FANCA: variants seen among roughly 807,000 people sequenced by gnomAD.
FANCA encodes the protein Fanconi anemia group A protein.
Under a neutral mutation model 194.3 loss-of-function variants are expected in FANCA, and 236 were observed. The ratio of observed to expected loss-of-function variants is 1.21; its 90% confidence interval spans 1.09 to 1.35. FANCA has a LOEUF of 1.35. Ranked by LOEUF, FANCA falls within the 40% of genes most tolerant of loss-of-function variation. The pLI, the probability that FANCA is intolerant of heterozygous loss-of-function variation, is 0.00. For synonymous variants in FANCA, 1,014 were observed against 715.8 expected (o/e 1.42, Z -6.65); for missense variants, 2,628 against 1,813.9 (o/e 1.45, Z -8.15).
intron 17 of FANCA, among the ~76,000 whole-genome samples, chr16:89,782,182 T>G (rs1393266446): frequency 6.6e-6 from 1 of 151,012 alleles, no homozygotes; most frequent in African/African-American, 2.4e-5. Flanking sequence ...GAGATCATCC[T>G]GGCTAACACG....
chr16:89,810,706 C>A lies in FANCA; in HGVS notation c.522+1G>T, dbSNP rs1365019056. ...AGTCAGATTTGCAATCTCAAATTTA[C>A]CTGTATTTTCCATAATTCTTGACAG... On this transcript the variant is annotated splice_donor_variant, in intron 5 of 42. Transcript: ENST00000389301. LOFTEE classifies it high-confidence loss of function. 1.3e-6 allele frequency: 2 copies of A among 1,588,832 alleles called. No homozygotes were observed. Among genetic ancestry groups the A allele is most frequent in the Non-Finnish European group, 1.7e-6 (2 of 1,157,288 alleles).
chr16:89,744,838 C>T (rs1221436520), intron 36 of FANCA, 121 bp downstream of exon 36: 7 of 901,400 alleles, frequency 7.8e-6, no homozygotes, highest in African/African-American at 3.3e-5. Context: ...TTTCTCCCTG[C>T]TCACACGAGA....
intron 28 of FANCA, chr16:89,762,815 T>C (rs1215894494): frequency 6.8e-6 from 3 of 442,106 alleles, no homozygotes; most frequent in Non-Finnish European, 1.4e-5. Flanking sequence ...AAAAACATTT[T>C]TAGGAGGCCG....
At chr16:89,786,044 A>C (rs1281214002) in intron 14 of FANCA, among the ~76,000 whole-genome samples, 3 of 136,746 alleles carry the variant, frequency 2.2e-5, no homozygotes, top group African/African-American at 8.4e-5. Context: ...TGAGAGAGAG[A>C]GTCTCACTCT....
intron 8 of FANCA, among the ~76,000 whole-genome samples, chr16:89,802,753 T>A (rs537635859): frequency 1.2e-4 from 18 of 152,154 alleles, no homozygotes; most frequent in Non-Finnish European, 2.2e-4. Flanking sequence ...GCAACAGGAA[T>A]GCAACTGAAG....
At chr16:89,816,266 G>A (rs35147964) in intron 1 of FANCA, 2 of 301,030 alleles carry the variant, frequency 6.6e-6, no homozygotes, top group Non-Finnish European at 1.2e-5. Context: ...GCGCACCCCA[G>A]GCCCGCCTGA....
rs745577614 is a variant in FANCA at position 89,739,271 on chromosome 16, A to G, written c.4029T>C (p.His1343=). ...FAFYSLLSYF[H]EDAAIREEAF... is the part of the protein sequence containing the mutation. ...CCTCTTCCCTGATGGCCGCGTCTTC[A>G]TGGAAGTAGGAGAGAAGACTAGAGG... is the stretch of plus-strand genomic sequence containing the variant. The change falls in exon 41 of 43, where the codon CAT becomes CAC. Residue 1343 remains histidine (H), a synonymous_variant. Transcript: ENST00000389301. 7.4e-6 allele frequency: 12 copies of G among 1,614,166 alleles called. No individual in the cohort carries two copies. The highest frequency in any genetic ancestry group is 1.0e-5 in the Non-Finnish European group (12 of 1,180,028).
intron 6 of FANCA, among the ~76,000 whole-genome samples, chr16:89,806,806 C>T (rs551726700): frequency 2.0e-5 from 3 of 152,236 alleles, no homozygotes; most frequent in Admixed American, 1.3e-4. Context: ...ACCCTTCCCC[C>T]CTTTGTATTC....
intron 6 of FANCA, among the ~76,000 whole-genome samples, chr16:89,807,653 G>C (rs1029026086): frequency 6.6e-6 from 1 of 152,104 alleles, no homozygotes. Context: ...GGGAGGCAGA[G>C]GCGGGCAGAT....
chr16:89,768,175 G>C (rs1382262040), intron 26 of FANCA, among the ~76,000 whole-genome samples: 1 of 152,090 alleles, frequency 6.6e-6, no homozygotes, highest in Non-Finnish European at 1.5e-5. Flanking sequence ...GCTACTGGGA[G>C]GCTGAGGTGG....
At chr16:89,774,053 G>A (rs2039412872) in intron 21 of FANCA, among the ~76,000 whole-genome samples, 1 of 152,118 alleles carries the variant, frequency 6.6e-6, no homozygotes, top group East Asian at 1.9e-4. Flanking sequence ...ACGGGCATGA[G>A]CCACTGCGCC....
At chr16:89,798,936 C>A in intron 10 of FANCA, 1 of 1,608,564 alleles carries the variant, frequency 6.2e-7, no homozygotes, top group Non-Finnish European at 8.5e-7. Flanking sequence ...GAACAGGATA[C>A]TGCAGTGGGC....
In FANCA at chr16:89,742,952, A is replaced by T; in HGVS notation, c.3627-14T>A. 1.2e-6 allele frequency: 2 copies of T among 1,613,224 alleles called. No individual in the cohort carries two copies. Among genetic ancestry groups the T allele is most frequent in the Non-Finnish European group, 1.7e-6 (2 of 1,179,356 alleles). Reference sequence around the variant, plus strand: ...GGGGAGAGGAAACTGGGACAGAGAGAACGGGGTCATTGCAGGGCCTTACAA... The same window carrying T: ...GGGGAGAGGAAACTGGGACAGAGAGTACGGGGTCATTGCAGGGCCTTACAA... On this transcript the variant is annotated splice_polypyrimidine_tract_variant and intron_variant, in intron 36 of 42. Coordinates refer to ENST00000389301, the MANE Select transcript of FANCA (RefSeq NM_000135.4).
chr16:89,743,042 C>T, intron 36 of FANCA, 104 bp from the exon 37 acceptor site: 2 of 1,355,654 alleles, frequency 1.5e-6, no homozygotes, highest in Non-Finnish European at 1.0e-6. Context: ...GCCTGCCTTT[C>T]CATCAGAGGA....
intron 22 of FANCA, among the ~76,000 whole-genome samples, chr16:89,772,763 G>A (rs1246846889): frequency 6.6e-6 from 1 of 151,708 alleles, no homozygotes; most frequent in Non-Finnish European, 1.5e-5. Flanking sequence ...AGGTTGCAGT[G>A]AGCCGAGATG....
At chr16:89,740,750 C>A in intron 38 of FANCA, 54 bp downstream of exon 38, 1 of 1,512,308 alleles carries the variant, frequency 6.6e-7, no homozygotes, top group South Asian at 1.1e-5. Flanking sequence ...TGCCTGGTGC[C>A]CCTGCCTGGC....
intron 7 of FANCA, among the ~76,000 whole-genome samples, chr16:89,803,914 C>T (rs892906589): frequency 2.6e-5 from 4 of 152,038 alleles, no homozygotes; most frequent in African/African-American, 9.7e-5. Flanking sequence ...TCACCCCACC[C>T]AGCCCAATTT....
chr16:89,781,220 C>G (rs2039688583), intron 17 of FANCA, among the ~76,000 whole-genome samples: 1 of 148,222 alleles, frequency 6.7e-6, no homozygotes, highest in South Asian at 2.1e-4. Context: ...CAAAATTAGC[C>G]TGACGTGGTG....
At chr16:89,761,580 C>T (rs1388092209) in intron 29 of FANCA, among the ~76,000 whole-genome samples, 6 of 151,038 alleles carry the variant, frequency 4.0e-5, no homozygotes, top group Non-Finnish European at 8.8e-5. Context: ...AATGACGAAA[C>T]ATAGGCTTTA....
Sources: allele counts gnomAD v4.1 joint callset (sites outside exome capture counted in the v4.1 genomes callset), GRCh38; gene constraint gnomAD v4.1.1; transcripts MANE v1.5; gene names NCBI Gene and HGNC (gene_info 2026-07-23, HGNC 2026-07-21).